Variants in VWF observed in about 807,000 individuals in gnomAD.
The protein encoded by VWF is Factor VIII related antigen.
Under a neutral mutation model 308.6 loss-of-function variants are expected in VWF, and 176 were observed. That is an observed-to-expected ratio of 0.57 (90% CI 0.50 to 0.65). The LOEUF (loss-of-function observed/expected upper bound fraction) is 0.65. VWF is among the 30% of genes least tolerant of loss of function. The pLI, the probability that VWF is intolerant of heterozygous loss-of-function variation, is 0.00. For missense variants in VWF, 3,146 were observed against 3,648.2 expected (o/e 0.86, Z 3.55); for synonymous variants, 1,385 against 1,443.4 (o/e 0.96, Z 0.92).
At chr12:6,114,500 T>C (rs1455435412) in intron 3 of VWF, among the ~76,000 whole-genome samples, 1 of 151,782 alleles carries the variant, frequency 6.6e-6, no homozygotes, top group Non-Finnish European at 1.5e-5. Context: ...AGGAGAAGTG[T>C]ATGGGAGAGA....
chr12:5,950,754 G>A (rs546552757), intron 50 of VWF, among the ~76,000 whole-genome samples: 12 of 152,144 alleles, frequency 7.9e-5, no homozygotes, highest in African/African-American at 2.9e-4. Flanking sequence ...TAAAGATCTC[G>A]AAGCCTCTTG....
chr12:6,010,348 C>T (rs1250201504), intron 34 of VWF, among the ~76,000 whole-genome samples: 2 of 152,140 alleles, frequency 1.3e-5, no homozygotes, highest in East Asian at 1.9e-4. Flanking sequence ...TCAGCAAGGC[C>T]GTGGAGATGC....
rs566275530 is a variant in VWF, at chr12:6,016,814, C to T, written c.5110G>A (p.Ala1704Thr). Residue 1704 changes from alanine to threonine, a missense_variant, in exon 29 of 52, where the codon GCT becomes ACT. Around this residue, in one of 3 missense-constraint regions of VWF, gnomAD observed 853 missense variants for 1,177.8 expected, o/e 0.72. Transcript: ENST00000261405. The part of the protein sequence containing the change: ...LLLDGSSSFP[A>T]SYFDEMKSFA... Reference sequence around the variant, plus strand: ...CTCTTCATTTCATCAAAATAAGAAGCTGGGAAACTGGAGGAGCCATCCAGG... The same window carrying T: ...CTCTTCATTTCATCAAAATAAGAAGTTGGGAAACTGGAGGAGCCATCCAGG... The T allele has an allele frequency of 1.9e-6, 3 of 1,614,092 alleles. No homozygotes were observed. The highest frequency in any genetic ancestry group is 2.7e-5 in the African/African-American group (2 of 75,056).
Position 5,953,513 on chromosome 12 carries a change from GTCC to G in VWF, c.7966_7968del (p.Gly2656del), listed in dbSNP as rs768488894. The G allele has an allele frequency of 6.2e-7, 1 of 1,613,958 alleles. No individual in the cohort carries two copies. Among genetic ancestry groups the G allele is most frequent in the African/African-American group, 1.3e-5 (1 of 74,896 alleles). ...GCTCCTACCTTCAGTGTCATGATCTGTCCTCCTCTTAGCTGAATGGTGCAAGCC... is the reference window on the plus strand; with the variant it reads ...GCTCCTACCTTCAGTGTCATGATCTGTCCTCTTAGCTGAATGGTGCAAGCC... On this transcript the variant is annotated inframe_deletion, in exon 48 of 52. Coordinates refer to ENST00000261405, the MANE Select transcript of VWF (RefSeq NM_000552.5).
At chr12:6,107,480 C>T (rs1420336308) in intron 5 of VWF, among the ~76,000 whole-genome samples, 1 of 152,106 alleles carries the variant, frequency 6.6e-6, no homozygotes, top group Non-Finnish European at 1.5e-5. Flanking sequence ...CCATGACACA[C>T]ATCTGAAACA....
At chr12:5,994,391 G>C in intron 36 of VWF, 24 bp downstream of exon 36, 2 of 1,613,314 alleles carry the variant, frequency 1.2e-6, no homozygotes. Flanking sequence ...AGGGGGAGAA[G>C]AGGAGTTGAG....
intron 5 of VWF, among the ~76,000 whole-genome samples, chr12:6,109,000 T>C (rs1344797122): frequency 6.8e-6 from 1 of 147,726 alleles, no homozygotes; most frequent in Admixed American, 6.8e-5. Context: ...AAAAAAAAAA[T>C]TCAAACTTTT....
At chr12:6,102,662 G>A (rs1945178439) in intron 5 of VWF, among the ~76,000 whole-genome samples, 1 of 152,034 alleles carries the variant, frequency 6.6e-6, no homozygotes, top group Admixed American at 6.6e-5. Flanking sequence ...ATGAACCTGG[G>A]AGGTGGACCT....
intron 10 of VWF, among the ~76,000 whole-genome samples, chr12:6,070,457 T>A (rs1944767354): frequency 6.6e-6 from 1 of 152,160 alleles, no homozygotes; most frequent in Non-Finnish European, 1.5e-5. Context: ...AAGTAAGAAG[T>A]CAGGCAGTTG....
intron 18 of VWF, among the ~76,000 whole-genome samples, chr12:6,038,635 C>T (rs1374538560): frequency 1.3e-5 from 2 of 152,218 alleles, no homozygotes; most frequent in Admixed American, 6.5e-5. Context: ...TGACTGCAGC[C>T]GCCACCTCCT....
chr12:6,118,975 C>T (rs1404806932), intron 3 of VWF, among the ~76,000 whole-genome samples: 1 of 152,230 alleles, frequency 6.6e-6, no homozygotes, highest in African/African-American at 2.4e-5. Context: ...TTTGTCATGC[C>T]CTGGGGCGCC....
Position 6,073,732 on chromosome 12 carries a change from C to A in VWF, c.884G>T (p.Cys295Phe). 1 of 1,613,982 alleles carries A rather than the reference C, an allele frequency of 6.2e-7. No homozygotes were observed. The highest frequency in any genetic ancestry group is 8.5e-7 in the Non-Finnish European group (1 of 1,180,002). Residue 295 changes from cysteine to phenylalanine, a missense_variant, in exon 8 of 52, where the codon TGC becomes TTC. Cys to Phe is a radical substitution (Grantham distance 205, BLOSUM62 -2). Transcript: ENST00000261405. The part of the protein sequence containing the change: ...WTDHSACSPV[C>F]PAGMEYRQCV... ...CTGCCTATACTCCATACCAGCAGGG[C>A]ACACTGGGCCTGAAAAGGAACATCA...
intron 47 of VWF, among the ~76,000 whole-genome samples, chr12:5,956,310 G>A (rs1012552361): frequency 3.3e-5 from 5 of 152,180 alleles, no homozygotes; most frequent in Non-Finnish European, 5.9e-5. Context: ...ACAGCCTCGG[G>A]TAGGTCCTGC....
chr12:5,961,274 T>C (rs763033201), intron 47 of VWF, among the ~76,000 whole-genome samples: 9 of 152,160 alleles, frequency 5.9e-5, no homozygotes, highest in Non-Finnish European at 1.2e-4. Context: ...ATCTGACTCA[T>C]CCCAAAACAA....
At chr12:6,079,967 A>C (rs138066388) in intron 6 of VWF, among the ~76,000 whole-genome samples, 295 of 151,992 alleles carry the variant, frequency 1.9e-3, no homozygotes, top group African/African-American at 6.6e-3. Context: ...CCCCCTCATA[A>C]AGCCCAGCAG....
chr12:6,061,393 G>A (rs1338070402), intron 13 of VWF, among the ~76,000 whole-genome samples: 1 of 144,192 alleles, frequency 6.9e-6, no homozygotes, highest in African/African-American at 2.8e-5. Flanking sequence ...TTTCCTACTG[G>A]AAAAGGGAGG....
At position 5,980,087 on chromosome 12, in the gene VWF, AAAGAAAGGAAGG is replaced by A. The variant is rs1296398878; in HGVS notation, c.7287+1687_7287+1698del. Among the ~76,000 whole-genome samples the A allele has an allele frequency of 7.3e-3, 576 of 78,430 alleles. 11 individuals carry two copies. Among genetic ancestry groups the A allele is most frequent in the African/African-American group, 0.02 (499 of 24,734 alleles). The allele number at this position is 78,430 out of a possible 152,430, so 51.5% of individuals were successfully genotyped here. On this transcript the variant is annotated intron_variant, in intron 42 of 51. Transcript: ENST00000261405. Reference sequence around the variant, plus strand: ...ATGAAAAGAAAGAAAGAAAGAAAAGAAAGAAAGGAAGGAAGGAAGGAAGGAAGGAAGGAAGGA... The same window carrying A: ...ATGAAAAGAAAGAAAGAAAGAAAAGAAAGGAAGGAAGGAAGGAAGGAAGGA...
chr12:5,985,518 G>A (rs1252255223), intron 39 of VWF, 45 bp downstream of exon 39: 1 of 1,586,586 alleles, frequency 6.3e-7, no homozygotes, highest in South Asian at 1.1e-5. Flanking sequence ...CCTTGCAGGG[G>A]CCCTTGTTCC....
chr12:6,098,996 G>C (rs1336856789), intron 5 of VWF, among the ~76,000 whole-genome samples: 3 of 149,324 alleles, frequency 2.0e-5, no homozygotes, highest in Non-Finnish European at 2.9e-5. Flanking sequence ...CACCCTCCAT[G>C]AGAAAGTTCA....
Sources: allele counts gnomAD v4.1 joint callset (sites outside exome capture counted in the v4.1 genomes callset), GRCh38; gene constraint gnomAD v4.1.1; regional missense constraint gnomAD v4.1.1; transcripts MANE v1.5; gene names NCBI Gene and HGNC (gene_info 2026-07-23, HGNC 2026-07-21).